Variants in MLC1 observed in about 807,000 individuals in gnomAD.
MLC1 encodes the protein membrane protein MLC1.
MLC1 carries 32 observed loss-of-function variants against 44.7 expected under a neutral mutation model. The observed-to-expected ratio is 0.72, with a 90% confidence interval of 0.54 to 0.96. The LOEUF (loss-of-function observed/expected upper bound fraction) is 0.96, where lower values mean the gene tolerates loss of function less well. MLC1 is among the 40% of genes least tolerant of loss of function. MLC1 has a pLI of 0.00. For missense variants in MLC1, 459 were observed against 492.2 expected, an observed-to-expected ratio of 0.93 and a Z score of 0.64; for synonymous variants, 190 against 213.0, an observed-to-expected ratio of 0.89 and a Z score of 0.94.
In MLC1 at chr22:50,061,397, C is replaced by T; in HGVS notation, c.*186G>A. 1.5e-6 allele frequency: 1 copy of T among 659,044 alleles called. No homozygotes were observed. Among genetic ancestry groups the T allele is most frequent in the East Asian group, 2.7e-5 (1 of 36,494 alleles). 40.8% of individuals were successfully genotyped at this position (659,044 alleles called of 1,614,324 possible). On this transcript the variant is annotated 3_prime_UTR_variant, in exon 12 of 12. Transcript: ENST00000311597. ...CTGACTGATCTCACTGAGGCACAGA[C>T]TAGCCAACATTGGCCTATTTTAAAA...
Position 50,061,563 on chromosome 22 carries a change from C to A in MLC1, c.*20G>T. 1 of 1,612,628 alleles carries A rather than the reference C, an allele frequency of 6.2e-7. No individual in the cohort carries two copies. Among genetic ancestry groups the A allele is most frequent in the Non-Finnish European group, 8.5e-7 (1 of 1,179,364 alleles). ...TTGGGGCCAGGCTGGGCGCTGCCAC[C>A]CGGTTTCCGCGTCTGGGGGTCACTG... On this transcript the variant is annotated 3_prime_UTR_variant, in exon 12 of 12. Coordinates refer to ENST00000311597, the MANE Select transcript of MLC1 (RefSeq NM_015166.4).
chr22:50,076,655 G>A (rs1180266404), intron 7 of MLC1, among the ~76,000 whole-genome samples, 186 bp downstream of exon 7: 4 of 152,258 alleles, frequency 2.6e-5, no homozygotes, highest in East Asian at 1.9e-4. Flanking sequence ...CACCTTTCGC[G>A]ATAAGGAAGG....
At chr22:50,064,716 G>A (rs2061667726) in intron 10 of MLC1, among the ~76,000 whole-genome samples, 1 of 152,176 alleles carries the variant, frequency 6.6e-6, no homozygotes, top group Non-Finnish European at 1.5e-5. Flanking sequence ...GCTCGGCAGG[G>A]AAGAGGATGG....
In MLC1 at chr22:50,074,293, C is replaced by T. The variant is rs1376429283; in HGVS notation, c.637G>A (p.Gly213Arg). ...VIAGISAVLG[G>R]IIALNVDDSV... ...TCATCCACGTTCAGGGCAATGATCC[C>T]CCCGAGGACGGCAGAGATGCCTGCG... is the stretch of plus-strand genomic sequence containing the variant. The change falls in exon 8 of 12, where the codon GGG becomes AGG. Residue 213 changes from glycine (G) to arginine (R), a missense_variant. Gly to Arg is a moderately radical substitution (Grantham distance 125, BLOSUM62 -2). Coordinates refer to ENST00000311597, the MANE Select transcript of MLC1 (RefSeq NM_015166.4). 1.2e-6 allele frequency: 2 copies of T among 1,614,144 alleles called. No homozygotes were observed. Among genetic ancestry groups the T allele is most frequent in the Admixed American group, 1.7e-5 (1 of 60,020 alleles).
Position 50,083,880 on chromosome 22 carries a change from A to C in MLC1, c.178-707T>G, listed in dbSNP as rs1430692092. Among the ~76,000 whole-genome samples the C allele has an allele frequency of 2.6e-5, 4 of 152,040 alleles. No individual in the cohort carries two copies. Among genetic ancestry groups the C allele is most frequent in the Non-Finnish European group, 5.9e-5 (4 of 67,982 alleles). Reference sequence around the variant, plus strand: ...GAGGGGCTGCGACCAAGTCCAGGGCACCAGGTGGAGGAGGGCAGAGCCCGG... The same window carrying C: ...GAGGGGCTGCGACCAAGTCCAGGGCCCCAGGTGGAGGAGGGCAGAGCCCGG... On this transcript the variant is annotated intron_variant, in intron 2 of 11. Coordinates refer to ENST00000311597, the MANE Select transcript of MLC1 (RefSeq NM_015166.4). This position sits in a 1 kb window ranked among gnomAD's most constrained non-coding sequence, Gnocchi z 4.6.
chr22:50,063,896 ACCTCCC>A (rs2061639143), intron 11 of MLC1, 132 bp downstream of exon 11: 2 of 761,714 alleles, frequency 2.6e-6, no homozygotes, highest in Non-Finnish European at 3.5e-6. Context: ...CAGGCCACTC[ACCTCCC>A]CGGCTGGGCA....
At chr22:50,075,534 C>A (rs2061958410) in intron 7 of MLC1, among the ~76,000 whole-genome samples, 1 of 151,958 alleles carries the variant, frequency 6.6e-6, no homozygotes, top group Non-Finnish European at 1.5e-5. Context: ...ACATGGTAAA[C>A]CCCGTCTCTA....
intron 8 of MLC1, chr22:50,072,952 T>G (rs2061890920): frequency 6.6e-6 from 1 of 152,398 alleles, no homozygotes; most frequent in Non-Finnish European, 1.5e-5. Context: ...CTGTGCCTAC[T>G]CGCCCCCACA....
At chr22:50,077,629 T>C in intron 5 of MLC1, 127 bp from the exon 6 acceptor site, 1 of 757,406 alleles carries the variant, frequency 1.3e-6, no homozygotes, top group Non-Finnish European at 2.3e-6. Context: ...ACTTTTCCCA[T>C]CCAGGGCCAG....
In MLC1 at chr22:50,070,509, G is replaced by A. The variant is rs762464094; in HGVS notation, c.771+18C>T. On this transcript the variant is annotated intron_variant, in intron 9 of 11. Coordinates refer to ENST00000311597, the MANE Select transcript of MLC1 (RefSeq NM_015166.4). ...GCTCGGTGGGTCCCTGGCACCCAGGGCTGAGGGGTTCACCCACCAGACACT... is the reference window on the plus strand; with the variant it reads ...GCTCGGTGGGTCCCTGGCACCCAGGACTGAGGGGTTCACCCACCAGACACT... The A allele has an allele frequency of 1.3e-6, 2 of 1,554,564 alleles. No individual in the cohort carries two copies. The highest frequency in any genetic ancestry group is 1.7e-6 in the Non-Finnish European group (2 of 1,148,628).
intron 11 of MLC1, among the ~76,000 whole-genome samples, chr22:50,063,490 A>AC (rs200635482): frequency 0.011 from 1,581 of 149,928 alleles, 25 homozygotes; most frequent in South Asian, 0.037. Context: ...AAAAAAAAAA[A>AC]GAAAAGAAAG....
At chr22:50,069,838 A>C (rs947403219) in intron 9 of MLC1, among the ~76,000 whole-genome samples, 3 of 152,166 alleles carry the variant, frequency 2.0e-5, no homozygotes, top group African/African-American at 4.8e-5. Context: ...GTCACCTTGC[A>C]AAGCACTCAG....
Position 50,070,711 on chromosome 22 carries a change from G to T in MLC1, c.715-128C>A, listed in dbSNP as rs904337861. ...GCTGGCTTGCTGTGGGGGGCAGGGG[G>T]GATGGTGCAGTGCCCAAAGGCGCAG... On this transcript the variant is annotated intron_variant, in intron 8 of 11. Coordinates refer to ENST00000311597, the MANE Select transcript of MLC1 (RefSeq NM_015166.4). The T allele has an allele frequency of 5.0e-6, 5 of 997,266 alleles. No homozygotes were observed. In the African/African-American group the frequency reaches 6.4e-5, roughly 13 times the overall value. The allele number at this position is 997,266 out of a possible 1,614,324, so 61.8% of individuals were successfully genotyped here.
chr22:50,074,291 C>T lies in MLC1; in HGVS notation c.639G>A (p.Gly213=), dbSNP rs1329631256. The T allele has an allele frequency of 5.0e-6, 8 of 1,613,906 alleles. No individual in the cohort carries two copies. The highest frequency in any genetic ancestry group is 1.7e-5 in the Admixed American group (1 of 59,984). Residue 213 remains glycine (G), a synonymous_variant, in exon 8 of 12, where the codon GGG becomes GGA. Coordinates refer to ENST00000311597, the MANE Select transcript of MLC1 (RefSeq NM_015166.4). ...VIAGISAVLG[G]IIALNVDDSV... ...AGTCATCCACGTTCAGGGCAATGAT[C>T]CCCCCGAGGACGGCAGAGATGCCTG...
chr22:50,062,550 G>A (rs1313217370), intron 11 of MLC1, among the ~76,000 whole-genome samples: 13 of 152,266 alleles, frequency 8.5e-5, no homozygotes, highest in Non-Finnish European at 1.0e-4. Context: ...GGAGGGTGGG[G>A]GCGACGGGGT....
rs111691229 is a variant in MLC1, at chr22:50,067,596, G to A, written c.894+837C>T. Among the ~76,000 whole-genome samples the A allele has an allele frequency of 1.7e-3, 33 of 19,582 alleles. 1 individual carries two copies. The highest frequency in any genetic ancestry group is 5.6e-3 in the African/African-American group (28 of 5,010). 12.8% of individuals were successfully genotyped at this position (19,582 alleles called of 152,430 possible). A position where few individuals can be genotyped will look rare whatever the true frequency, so the allele number is the denominator to read the frequency against. On this transcript the variant is annotated intron_variant, in intron 10 of 11. Coordinates refer to ENST00000311597, the MANE Select transcript of MLC1 (RefSeq NM_015166.4). ...CCGTCAGGCAGTGACTCCATCCCCC[G>A]TCAGGCAGTGACTCCATCCCCCATC...
chr22:50,074,960 G>T (rs928925847), intron 7 of MLC1, among the ~76,000 whole-genome samples: 5 of 152,240 alleles, frequency 3.3e-5, no homozygotes, highest in Non-Finnish European at 5.9e-5. Flanking sequence ...GCACCTGCCG[G>T]TTGGAGAGCC....
rs753585875 is a variant in MLC1, at chr22:50,064,054, G to A, written c.1039C>T (p.Gln347Ter). Residue 347 changes from glutamine (Q) to a stop codon, truncating the protein, a stop_gained, in exon 11 of 12, where the codon CAG becomes TAG. Transcript: ENST00000311597. LOFTEE classifies it high-confidence loss of function. Reference protein sequence around the residue: ...GASWDTQNGPQERLAGEVARS... With the variant: ...GASWDTQNGP ...CTCACCTCCCCAGCCAGGCGCTCCT[G>A]CGGGCCGTTCTGGGTGTCCCAGGAT... The A allele has an allele frequency of 2.6e-6, 4 of 1,551,894 alleles. 1 individual carries two copies. The highest frequency in any genetic ancestry group is 2.6e-6 in the Non-Finnish European group (3 of 1,152,758).
At chr22:50,061,734 C>T in intron 11 of MLC1, 77 bp from the exon 12 acceptor site, 1 of 1,359,544 alleles carries the variant, frequency 7.4e-7, no homozygotes, top group Non-Finnish European at 1.0e-6. Flanking sequence ...CACTCGGCCA[C>T]AGGCAGCGAG....
Sources: allele counts gnomAD v4.1 joint callset (sites outside exome capture counted in the v4.1 genomes callset), GRCh38; gene constraint gnomAD v4.1.1; non-coding constraint Gnocchi (gnomAD v3.1); transcripts MANE v1.5; gene names NCBI Gene and HGNC (gene_info 2026-07-23, HGNC 2026-07-21).